The following IPO11 variants were observed in gnomAD, a reference collection of about 807,000 sequenced individuals.
The protein encoded by IPO11 is importin 11, also known as importin-11.
A neutral mutation model predicts 143.2 loss-of-function variants in IPO11; 66 were observed. The ratio of observed to expected loss-of-function variants is 0.46; its 90% confidence interval spans 0.38 to 0.57. The LOEUF (loss-of-function observed/expected upper bound fraction) is 0.57. Ranked by LOEUF, IPO11 falls within the 20% of genes least tolerant of loss-of-function variation. The pLI, the probability that IPO11 is intolerant of heterozygous loss-of-function variation, is 0.00. For synonymous variants in IPO11, 385 were observed against 377.8 expected (o/e 1.02, Z -0.22); for missense variants, 1,026 against 1,141.0 (o/e 0.90, Z 1.45).
intron 5 of IPO11, among the ~76,000 whole-genome samples, chr5:62,452,813 C>T (rs915459504): frequency 6.7e-6 from 1 of 149,370 alleles, no homozygotes; most frequent in African/African-American, 2.5e-5. Context: ...AGTACAGTGG[C>T]ATGATCATAG....
chr5:62,423,390 TTC>T (rs1167609418), intron 1 of IPO11, among the ~76,000 whole-genome samples: 1 of 152,202 alleles, frequency 6.6e-6, no homozygotes, highest in Non-Finnish European at 1.5e-5. Context: ...CTTTAAACAG[TTC>T]ATGATTTGGA....
intron 29 of IPO11, among the ~76,000 whole-genome samples, chr5:62,605,958 T>G (rs1236497133): frequency 6.6e-6 from 1 of 152,040 alleles, no homozygotes; most frequent in African/African-American, 2.4e-5. Flanking sequence ...CTCGAACTCT[T>G]AGGCTCAAGA....
chr5:62,598,518 C>CT (rs1339840294), intron 28 of IPO11, among the ~76,000 whole-genome samples: 91 of 5,954 alleles, frequency 0.015, 7 homozygotes, highest in East Asian at 0.089. Flanking sequence ...TTCTTTCTTT[C>CT]TTTCTTTCTT....
intron 1 of IPO11, among the ~76,000 whole-genome samples, chr5:62,427,033 T>G (rs247494): frequency 0.41 from 61,110 of 147,690 alleles, 12,881 homozygotes; most frequent in East Asian, 0.6. Context: ...TGCCTCCTGG[T>G]TTCAAGCGAT....
intron 29 of IPO11, among the ~76,000 whole-genome samples, chr5:62,608,025 G>A (rs1256503697): frequency 6.6e-6 from 1 of 152,012 alleles, no homozygotes; most frequent in African/African-American, 2.4e-5. Flanking sequence ...CACCATGTTG[G>A]CCAGGCTGTT....
intron 19 of IPO11, among the ~76,000 whole-genome samples, chr5:62,511,246 T>C (rs1012769536): frequency 6.6e-6 from 1 of 152,204 alleles, no homozygotes; most frequent in Admixed American, 6.5e-5. Flanking sequence ...AAACTAAAAC[T>C]ACCTCATTTT....
intron 21 of IPO11, among the ~76,000 whole-genome samples, chr5:62,528,353 A>G (rs757218983): frequency 6.6e-6 from 1 of 152,206 alleles, no homozygotes; most frequent in Non-Finnish European, 1.5e-5. Context: ...AAGAACAGAA[A>G]TTAGAATTGG....
At chr5:62,517,696 C>G (rs1742073437) in intron 20 of IPO11, among the ~76,000 whole-genome samples, 1 of 152,188 alleles carries the variant, frequency 6.6e-6, no homozygotes, top group African/African-American at 2.4e-5. Context: ...AGCCACTGCT[C>G]CCGGCCTCCA....
chr5:62,483,336 A>C, intron 10 of IPO11, 43 bp downstream of exon 10: 1 of 1,194,626 alleles, frequency 8.4e-7, no homozygotes, highest in South Asian at 1.5e-5. Context: ...TTTTAATCTT[A>C]AGTGTGATAT....
chr5:62,530,074 G>C (rs1320670620), intron 21 of IPO11, among the ~76,000 whole-genome samples: 1 of 152,166 alleles, frequency 6.6e-6, no homozygotes, highest in Non-Finnish European at 1.5e-5. Context: ...TATTAGCCTA[G>C]TTTCCCATCG....
At chr5:62,602,939 G>C (rs901940874) in intron 29 of IPO11, among the ~76,000 whole-genome samples, 1 of 152,104 alleles carries the variant, frequency 6.6e-6, no homozygotes, top group Non-Finnish European at 1.5e-5. Flanking sequence ...CATATTTCCA[G>C]GGTCTTCGAA....
chr5:62,584,899 C>A (rs947664823), intron 27 of IPO11, among the ~76,000 whole-genome samples: 1 of 152,184 alleles, frequency 6.6e-6, no homozygotes, highest in East Asian at 1.9e-4. Context: ...ATGTATAGTA[C>A]ACCTGCTGCT....
intron 12 of IPO11, among the ~76,000 whole-genome samples, chr5:62,486,656 T>C (rs1166592853): frequency 6.6e-6 from 1 of 152,198 alleles, no homozygotes; most frequent in East Asian, 1.9e-4. Context: ...ATCTTTAATG[T>C]TTTTAGATTC....
chr5:62,431,386 A>G (rs967797251), intron 1 of IPO11, among the ~76,000 whole-genome samples: 1 of 151,310 alleles, frequency 6.6e-6, no homozygotes, highest in African/African-American at 2.4e-5. Context: ...TTCCAGGGCA[A>G]TTTTTTGTTG....
chr5:62,478,727 G>T (rs1006936126), intron 9 of IPO11, among the ~76,000 whole-genome samples: 1 of 152,010 alleles, frequency 6.6e-6, no homozygotes, highest in East Asian at 1.9e-4. Context: ...TGCTTGTGTC[G>T]CCACATGCTT....
At chr5:62,545,381 A>G (rs939528679) in intron 24 of IPO11, among the ~76,000 whole-genome samples, 11 of 152,322 alleles carry the variant, frequency 7.2e-5, no homozygotes, top group Admixed American at 5.2e-4. Flanking sequence ...GGTGCTGGGA[A>G]AACTGGCTAG....
rs1554053935 is a variant in IPO11 at position 62,533,964 on chromosome 5, A to AAAG, written c.2090-2736_2090-2735insGAA. ...GATGCTTTCTCTTTAAAAAAAAAAAAAAAGAAAGCCACTGGCAGAAAGTTT... is the reference window on the plus strand; with the variant it reads ...GATGCTTTCTCTTTAAAAAAAAAAAAAAGAAAGAAAGCCACTGGCAGAAAGTTT... On this transcript the variant is annotated intron_variant, in intron 22 of 29. Transcript: ENST00000325324. 3.8e-4 allele frequency among the ~76,000 whole-genome samples: 56 copies of AAAG among 148,596 alleles called. 1 individual carries two copies. Among genetic ancestry groups the AAAG allele is most frequent in the Middle Eastern group, 3.4e-3 (1 of 290 alleles).
intron 19 of IPO11, among the ~76,000 whole-genome samples, chr5:62,513,534 C>T (rs1366497581): frequency 4.9e-3 from 691 of 140,636 alleles, no homozygotes; most frequent in African/African-American, 0.018. Flanking sequence ...GCTGGCCGGG[C>T]GGGGGGCTGA....
intron 1 of IPO11, among the ~76,000 whole-genome samples, chr5:62,414,075 C>T (rs537525264): frequency 3.9e-5 from 6 of 152,302 alleles, no homozygotes; most frequent in East Asian, 3.9e-4. Flanking sequence ...GGGTGGTCTC[C>T]GCCCTAGTTG....
Sources: gnomAD v4.1 joint callset for allele counts (sites outside exome capture counted in the v4.1 genomes callset) on GRCh38, gnomAD v4.1.1 for gene constraint, MANE v1.5 for transcripts, NCBI Gene and HGNC (gene_info 2026-07-23, HGNC 2026-07-21) for gene names.